Variants in ZSCAN23 observed in about 807,000 individuals in gnomAD.
ZSCAN23 encodes the protein zinc finger and SCAN domain containing 23.
A neutral mutation model predicts 19.3 loss-of-function variants in ZSCAN23; 19 were observed. The ratio of observed to expected loss-of-function variants is 0.99; its 90% confidence interval spans 0.69 to 1.45. The LOEUF (loss-of-function observed/expected upper bound fraction) is 1.45, where lower values mean the gene tolerates loss of function less well. Among genes scored for constraint, ZSCAN23 ranks in the 40% most tolerant of loss-of-function variants. The pLI, the probability that ZSCAN23 is intolerant of heterozygous loss-of-function variation, is 0.00. For synonymous variants in ZSCAN23, 140 were observed against 166.2 expected, an observed-to-expected ratio of 0.84 and a Z score of 1.21; for missense variants, 372 against 462.5, an observed-to-expected ratio of 0.80 and a Z score of 1.79.
At chr6:28,435,406 T>C (rs528341498) in intron 3 of ZSCAN23, 54 bp downstream of exon 3, 1 of 1,531,410 alleles carries the variant, frequency 6.5e-7, no homozygotes, top group African/African-American at 1.4e-5. Context: ...ATGGGTTGAA[T>C]TGATAAATAT....
chr6:28,439,820 A>C (rs145878597), intron 1 of ZSCAN23, among the ~76,000 whole-genome samples: 2 of 152,236 alleles, frequency 1.3e-5, no homozygotes, highest in African/African-American at 4.8e-5. Context: ...TAAGCAGTGA[A>C]GCTGCAATTC....
downstream of ZSCAN23, among the ~76,000 whole-genome samples, chr6:28,430,666 C>G (rs1334233835): frequency 6.6e-6 from 1 of 152,102 alleles, no homozygotes; most frequent in Non-Finnish European, 1.5e-5. Flanking sequence ...CCACCACCCC[C>G]ACCCCTGCAG....
In ZSCAN23 at chr6:28,434,971, G is replaced by A. The variant is rs564021489; in HGVS notation, c.664C>T (p.Gln222Ter). 6.4e-7 allele frequency: 1 copy of A among 1,551,752 alleles called. No individual in the cohort carries two copies. Among genetic ancestry groups the A allele is most frequent in the African/African-American group, 1.4e-5 (1 of 73,138 alleles). Residue 222 changes from glutamine (Q) to a stop codon, truncating the protein, a stop_gained, in exon 4 of 4, where the codon CAG becomes TAG. Transcript: ENST00000289788. LOFTEE classifies it low-confidence loss of function (END_TRUNC). ...CAGGTATCTCCATACTCAGGAATCT[G>A]AGTAATATTACCATTCTGTTTTCCA... is the stretch of plus-strand genomic sequence containing the variant. ...VLGKQNGNIT[Q>*]IPEYGDTCDR...
intron 1 of ZSCAN23, among the ~76,000 whole-genome samples, chr6:28,439,060 T>C (rs561296189): frequency 3.3e-5 from 5 of 152,108 alleles, no homozygotes; most frequent in Non-Finnish European, 7.4e-5. Flanking sequence ...AGAGGATTTT[T>C]TTCCTCTAAA....
chr6:28,425,146 C>T, the ZSCAN23 span, among the ~76,000 whole-genome samples: 4 of 152,244 alleles, frequency 2.6e-5, no homozygotes, highest in Non-Finnish European at 4.4e-5. Context: ...TTCAGTGACT[C>T]GGTGCATTGT....
At chr6:28,422,919 G>T in the ZSCAN23 span, among the ~76,000 whole-genome samples, 3 of 152,138 alleles carry the variant, frequency 2.0e-5, no homozygotes, top group Non-Finnish European at 4.4e-5. This position sits in a 1 kb window ranked among gnomAD's most constrained non-coding sequence, Gnocchi z 4.0. Context: ...CCTCCTCAGC[G>T]TTCTCCTTAA....
the ZSCAN23 span, among the ~76,000 whole-genome samples, chr6:28,426,534 C>T: frequency 6.7e-6 from 1 of 150,264 alleles, no homozygotes; most frequent in Non-Finnish European, 1.5e-5. Context: ...CAAATTACAT[C>T]AAAGATCACT....
rs1010024059 is a variant in ZSCAN23 at position 28,435,789 on chromosome 6, C to T, written c.408+70G>A. The stretch of plus-strand genomic sequence containing the variant: ...TAAAAAAAAAATCCTCCTCCTCTAC[C>T]TTTTCTTGTTGCACTGAAACCCCAT... On this transcript the variant is annotated intron_variant, in intron 2 of 3. Coordinates refer to ENST00000289788, the MANE Select transcript of ZSCAN23 (RefSeq NM_001012455.2). 11 of 1,470,324 alleles carry T rather than the reference C, an allele frequency of 7.5e-6. No homozygotes were observed. In the African/African-American group the frequency reaches 1.3e-4, roughly 17 times the overall value. The allele number at this position is 1,470,324 out of a possible 1,614,324, so 91.1% of individuals were successfully genotyped here. A position where few individuals can be genotyped will look rare whatever the true frequency, so the allele number is the denominator to read the frequency against.
At position 28,434,359 on chromosome 6, in the gene ZSCAN23, G is replaced by T; in HGVS notation, c.*106C>A. ...TATTTAAGATATTATGCTTCTCTCT[G>T]CATAAAAGTAAGGGAATTTTTACTG... On this transcript the variant is annotated 3_prime_UTR_variant, in exon 4 of 4. Transcript: ENST00000289788. The T allele has an allele frequency of 7.7e-7, 1 of 1,296,866 alleles. No individual in the cohort carries two copies. Among genetic ancestry groups the T allele is most frequent in the Non-Finnish European group, 1.0e-6 (1 of 964,724 alleles). 80.3% of individuals were successfully genotyped at this position (1,296,866 alleles called of 1,614,324 possible).
At position 28,435,029 on chromosome 6, in the gene ZSCAN23, A is replaced by G; in HGVS notation, c.606T>C (p.Ile202=). The G allele has an allele frequency of 1.3e-6, 2 of 1,551,214 alleles. No individual in the cohort carries two copies. The highest frequency in any genetic ancestry group is 1.7e-6 in the Non-Finnish European group (2 of 1,146,578). The change falls in exon 4 of 4, where the codon ATT becomes ATC. Residue 202 remains isoleucine (I), a synonymous_variant. Coordinates refer to ENST00000289788, the MANE Select transcript of ZSCAN23 (RefSeq NM_001012455.2). ...GTATAAGAGATTTCACTTCCTGAGA[A>G]ATCTCCCTCTTTGGGGCTAACTCCA... The part of the protein sequence containing the change: ...WNVELAPKRE[I]SQEVKSLIQV...
the ZSCAN23 span, among the ~76,000 whole-genome samples, chr6:28,423,770 G>A: frequency 6.6e-6 from 1 of 152,160 alleles, no homozygotes; most frequent in African/African-American, 2.4e-5. Context: ...TATGCTTCAG[G>A]CTGATGCTAA....
chr6:28,429,885 G>C (rs1581799923), downstream of ZSCAN23, among the ~76,000 whole-genome samples: 1 of 151,880 alleles, frequency 6.6e-6, no homozygotes, highest in Non-Finnish European at 1.5e-5. Context: ...ACAGTCCCAG[G>C]ACACTAAAAC....
In ZSCAN23 at chr6:28,436,026, T is replaced by A; in HGVS notation, c.241A>T (p.Met81Leu). Residue 81 changes from methionine to leucine, a missense_variant, in exon 2 of 4, where the codon ATG (methionine) becomes TTG (leucine). Coordinates refer to ENST00000289788, the MANE Select transcript of ZSCAN23 (RefSeq NM_001012455.2). Reference sequence around the variant, plus strand: ...TCTAGGATCTGCTCCTTGGTGTGCATCTCTGGTCTCAGCCACTGATGGCAG... The same window carrying A: ...TCTAGGATCTGCTCCTTGGTGTGCAACTCTGGTCTCAGCCACTGATGGCAG... ...ELCHQWLRPE[M>L]HTKEQILELL... is the part of the protein sequence containing the mutation. 1.9e-6 allele frequency: 3 copies of A among 1,614,180 alleles called. No individual in the cohort carries two copies. In the South Asian group the frequency reaches 3.3e-5, roughly 18 times the overall value.
At position 28,434,240 on chromosome 6, in the gene ZSCAN23, C is replaced by A; in HGVS notation, c.*225G>T. ...ACTTCTTGCACAGATGTGTGTGAAA[C>A]TAGGTCTACAGCATACATGATGAAA... is the stretch of plus-strand genomic sequence containing the variant. On this transcript the variant is annotated 3_prime_UTR_variant, in exon 4 of 4. Transcript: ENST00000289788. The A allele has an allele frequency of 2.2e-6, 1 of 455,392 alleles. No individual in the cohort carries two copies. The highest frequency in any genetic ancestry group is 6.9e-5 in the South Asian group (1 of 14,506). 28.2% of individuals were successfully genotyped at this position (455,392 alleles called of 1,614,324 possible). A position where few individuals can be genotyped will look rare whatever the true frequency, so the allele number is the denominator to read the frequency against.
At chr6:28,422,891 ACTT>A in the ZSCAN23 span, among the ~76,000 whole-genome samples, 4 of 152,198 alleles carry the variant, frequency 2.6e-5, no homozygotes, top group African/African-American at 7.2e-5. The surrounding 1 kb of genome is among the most constrained non-coding windows in gnomAD (Gnocchi z 4.0). Flanking sequence ...ACATTTCCTA[ACTT>A]CTTCTTTGCT....
At chr6:28,423,945 A>G in the ZSCAN23 span, among the ~76,000 whole-genome samples, 3 of 152,244 alleles carry the variant, frequency 2.0e-5, no homozygotes, top group East Asian at 5.8e-4. Context: ...AGTTACTTCA[A>G]GAGTGAAGAA....
At position 28,434,444 on chromosome 6, in the gene ZSCAN23, T is replaced by C; in HGVS notation, c.*21A>G. 6.6e-7 allele frequency: 1 copy of C among 1,507,974 alleles called. No homozygotes were observed. The highest frequency in any genetic ancestry group is 8.9e-7 in the Non-Finnish European group (1 of 1,123,376). The allele number at this position is 1,507,974 out of a possible 1,614,324, so 93.4% of individuals were successfully genotyped here. A position where few individuals can be genotyped will look rare whatever the true frequency, so the allele number is the denominator to read the frequency against. On this transcript the variant is annotated 3_prime_UTR_variant, in exon 4 of 4. Coordinates refer to ENST00000289788, the MANE Select transcript of ZSCAN23 (RefSeq NM_001012455.2). ...AGCAGGGACAAAGTAAGAAATATTA[T>C]CCCCTACCTGTTCCAAGGAGCTAGC... is the stretch of plus-strand genomic sequence containing the variant.
At chr6:28,435,329 C>A in intron 3 of ZSCAN23, 131 bp downstream of exon 3, 1 of 1,282,898 alleles carries the variant, frequency 7.8e-7, no homozygotes, top group Non-Finnish European at 1.1e-6. Flanking sequence ...GGGACCACAT[C>A]TGCCTTGTTT....
At chr6:28,435,827 A>G in intron 2 of ZSCAN23, 32 bp downstream of exon 2, 1 of 1,527,362 alleles carries the variant, frequency 6.5e-7, no homozygotes, top group Non-Finnish European at 8.8e-7. Context: ...TTGTTCTTAT[A>G]GGTACAAATC....
Sources: allele counts gnomAD v4.1 joint callset (sites outside exome capture counted in the v4.1 genomes callset), GRCh38; gene constraint gnomAD v4.1.1; non-coding constraint Gnocchi (gnomAD v3.1); transcripts MANE v1.5; gene names NCBI Gene and HGNC (gene_info 2026-07-23, HGNC 2026-07-21).